ANO3: variants seen among roughly 807,000 people sequenced by gnomAD.
ANO3 encodes anoctamin 3.
ANO3 carries 99 observed loss-of-function variants against 144.8 expected under a neutral mutation model. The observed-to-expected ratio is 0.68, with a 90% CI of 0.58 to 0.81. ANO3 has a LOEUF of 0.81. ANO3 is among the 30% of genes least tolerant of loss of function. The pLI is 0.00. For synonymous variants in ANO3, 414 were observed against 392.6 expected (o/e 1.05, Z -0.64); for missense variants, 905 against 1,202.2 (o/e 0.75, Z 3.66).
intron 17 of ANO3, among the ~76,000 whole-genome samples, chr11:26,606,848 A>C (rs1464472077): frequency 6.6e-6 from 1 of 152,186 alleles, no homozygotes; most frequent in Non-Finnish European, 1.5e-5. Flanking sequence ...TAGTTGATGC[A>C]GTTTCTTCAT....
upstream of ANO3, among the ~76,000 whole-genome samples, chr11:26,309,340 C>T (rs1854455675): frequency 6.6e-6 from 1 of 152,010 alleles, no homozygotes; most frequent in Non-Finnish European, 1.5e-5. Context: ...GAGTGTGTTA[C>T]CCACCCTAGG....
chr11:26,502,195 C>T (rs1010950459), intron 4 of ANO3, among the ~76,000 whole-genome samples: 4 of 152,064 alleles, frequency 2.6e-5, no homozygotes, highest in South Asian at 2.1e-4. Context: ...CAAGTAAAAT[C>T]GCAATGTAAA....
rs143145107 is a variant in ANO3 at position 26,501,055 on chromosome 11, C to A, written c.433-7049C>A. Among the ~76,000 whole-genome samples, 322 of 152,202 alleles carry A rather than the reference C, an allele frequency of 2.1e-3. 1 individual carries two copies. The highest frequency in any genetic ancestry group is 3.2e-3 in the Non-Finnish European group (221 of 68,010). The stretch of plus-strand genomic sequence containing the variant: ...TACAGAAAGTAAAAAATAAATTCCA[C>A]CACCAGAAAGTAATGAAAAACATTC... On this transcript the variant is annotated intron_variant, in intron 4 of 26. Coordinates refer to ENST00000256737, the MANE Select transcript of ANO3 (RefSeq NM_031418.4).
At chr11:26,563,086 C>A in intron 14 of ANO3, 1 of 1,606,312 alleles carries the variant, frequency 6.2e-7, no homozygotes, top group Non-Finnish European at 8.5e-7. Context: ...AACCACTGTG[C>A]CCAGGTGAAG....
chr11:26,409,518 T>C (rs1857378386), intron 1 of ANO3, among the ~76,000 whole-genome samples: 1 of 151,934 alleles, frequency 6.6e-6, no homozygotes, highest in Non-Finnish European at 1.5e-5. Context: ...GTCTGCCTTA[T>C]ACAGTTTCGT....
chr11:26,469,089 G>T (rs1859692124), intron 4 of ANO3, among the ~76,000 whole-genome samples: 1 of 151,758 alleles, frequency 6.6e-6, no homozygotes, highest in Admixed American at 6.6e-5. Context: ...CAGAGTCTTT[G>T]TATTCTCTGA....
intron 1 of ANO3, among the ~76,000 whole-genome samples, chr11:26,203,036 ATTTAAACATAAGACAAGCAG>A (rs1448160133): frequency 1.3e-5 from 2 of 152,104 alleles, no homozygotes; most frequent in Non-Finnish European, 2.9e-5. Flanking sequence ...TTGTAATAGG[ATTTAAACATAAGACAAGCAG>A]TTTAGCCTTT....
chr11:26,396,895 A>G (rs1330508349), intron 1 of ANO3, among the ~76,000 whole-genome samples: 5 of 151,988 alleles, frequency 3.3e-5, no homozygotes, highest in African/African-American at 1.2e-4. Flanking sequence ...ATACCTATGT[A>G]ACAAACCTGC....
At chr11:26,245,035 G>C (rs1852758852) in intron 1 of ANO3, among the ~76,000 whole-genome samples, 1 of 143,710 alleles carries the variant, frequency 7.0e-6, no homozygotes, top group African/African-American at 2.5e-5. Flanking sequence ...GCATGCATTT[G>C]TCTTTCATAG....
At chr11:26,619,367 C>A (rs988673180) in intron 17 of ANO3, among the ~76,000 whole-genome samples, 1 of 152,126 alleles carries the variant, frequency 6.6e-6, no homozygotes, top group Non-Finnish European at 1.5e-5. Flanking sequence ...GGTTACAAGT[C>A]CATCTTACAG....
At chr11:26,308,155 A>G (rs1437305715), upstream of ANO3, among the ~76,000 whole-genome samples, 1 of 152,194 alleles carries the variant, frequency 6.6e-6, no homozygotes, top group East Asian at 1.9e-4. Context: ...GGCAAATCTA[A>G]ATATCTTTCT....
intron 14 of ANO3, among the ~76,000 whole-genome samples, chr11:26,585,669 C>G (rs1447245660): frequency 6.6e-6 from 1 of 152,144 alleles, no homozygotes; most frequent in Non-Finnish European, 1.5e-5. Context: ...CCTATCAGAA[C>G]CTATTTCATG....
At chr11:26,403,497 A>G (rs1163085812) in intron 1 of ANO3, among the ~76,000 whole-genome samples, 2 of 151,766 alleles carry the variant, frequency 1.3e-5, no homozygotes, top group East Asian at 3.9e-4. Flanking sequence ...TTTTTACTGC[A>G]CCTCCTTCAC....
chr11:26,294,124 C>T (rs756137037), intron 1 of ANO3, among the ~76,000 whole-genome samples: 1 of 152,078 alleles, frequency 6.6e-6, no homozygotes, highest in African/African-American at 2.4e-5. Flanking sequence ...AAATAAAATA[C>T]GTTTAAAGGA....
intron 10 of ANO3, among the ~76,000 whole-genome samples, chr11:26,539,133 TAC>T (rs68138224): frequency 0.027 from 4,026 of 149,112 alleles, 169 homozygotes; most frequent in African/African-American, 0.09. Context: ...ACAAGAGAAA[TAC>T]ACACACACAC....
At chr11:26,396,348 A>C (rs1388445151) in intron 1 of ANO3, among the ~76,000 whole-genome samples, 2 of 152,200 alleles carry the variant, frequency 1.3e-5, no homozygotes, top group Non-Finnish European at 2.9e-5. Flanking sequence ...GTAGGGGTGT[A>C]AATTACTTCA....
rs180816396 is a variant in ANO3 at position 26,465,552 on chromosome 11, T to A, written c.432+2404T>A. Among the ~76,000 whole-genome samples, 8 of 151,848 alleles carry A rather than the reference T, an allele frequency of 5.3e-5. No individual in the cohort carries two copies. The East Asian group carries it at 1.4e-3, about 26-fold the overall frequency. On this transcript the variant is annotated intron_variant, in intron 4 of 26. Transcript: ENST00000256737. Reference sequence around the variant, plus strand: ...GTAACTCCTAATACAAACTACATAGTGAGTAATAACAAGTATTAAATTACA... The same window carrying A: ...GTAACTCCTAATACAAACTACATAGAGAGTAATAACAAGTATTAAATTACA...
chr11:26,571,655 T>A (rs912891804), intron 14 of ANO3, among the ~76,000 whole-genome samples: 1 of 152,148 alleles, frequency 6.6e-6, no homozygotes, highest in African/African-American at 2.4e-5. Flanking sequence ...ATAATTTAAA[T>A]CTAAGATTCA....
chr11:26,595,460 G>GTTGTTTTTTTTTTTT (rs1301892343), intron 14 of ANO3, among the ~76,000 whole-genome samples: 4 of 101,386 alleles, frequency 3.9e-5, no homozygotes, highest in African/African-American at 1.7e-4. Flanking sequence ...AGATAGAGTT[G>GTTGTTTTTTTTTTTT]TTTTTTTTTT....
Sources: allele counts gnomAD v4.1 joint callset (sites outside exome capture counted in the v4.1 genomes callset), GRCh38; gene constraint gnomAD v4.1.1; transcripts MANE v1.5; gene names NCBI Gene and HGNC (gene_info 2026-07-23, HGNC 2026-07-21).